COL22A1: variants seen among roughly 807,000 people sequenced by gnomAD.
The protein encoded by COL22A1 is collagen alpha-1(XXII) chain.
In COL22A1, 221 loss-of-function variants were observed where a neutral mutation model predicts 248.9. That is an observed-to-expected ratio of 0.89 (90% CI 0.80 to 0.99). COL22A1 has a LOEUF of 0.99. Among genes scored for constraint, COL22A1 ranks in the 50% least tolerant of loss-of-function variants. COL22A1 has a pLI of 0.00. For missense variants in COL22A1, 2,240 were observed against 2,179.0 expected (o/e 1.03, Z -0.56); for synonymous variants, 891 against 793.4 (o/e 1.12, Z -2.07).
chr8:138,597,064 G>A (rs963386909), intron 61 of COL22A1, 94 bp from the exon 62 acceptor site: 14 of 937,512 alleles, frequency 1.5e-5, no homozygotes, highest in Admixed American at 9.2e-5. Context: ...GTTCGTAGGT[G>A]GTATATACCC....
chr8:138,755,805 G>A lies in COL22A1; in HGVS notation c.1927C>T (p.Pro643Ser), dbSNP rs2131364593. Residue 643 changes from proline to serine, a missense_variant, in exon 19 of 65, where the codon CCT (proline) becomes TCT (serine). Physicochemically the swap from Pro to Ser is moderately conservative, Grantham distance 74. Coordinates refer to ENST00000303045, the MANE Select transcript of COL22A1 (RefSeq NM_152888.3). ...CTCACCACTGAGCCTGGTACACCAG[G>A]TGGCCCCGCAGGTCCCACGTCACCC... ...EKGDVGPAGP[P>S]GVPGSVVQQE... The A allele has an allele frequency of 6.2e-7, 1 of 1,614,126 alleles. No individual in the cohort carries two copies.
intron 44 of COL22A1, among the ~76,000 whole-genome samples, chr8:138,658,069 C>A (rs1351411892): frequency 6.6e-6 from 1 of 152,208 alleles, no homozygotes; most frequent in Non-Finnish European, 1.5e-5. Context: ...GGCTGTGCTT[C>A]CAGAGAACCT....
intron 1 of COL22A1, among the ~76,000 whole-genome samples, chr8:138,908,395 T>C (rs544792420): frequency 6.6e-6 from 1 of 152,370 alleles, no homozygotes; most frequent in South Asian, 2.1e-4. Flanking sequence ...AAAACATGCT[T>C]TTGTTACTTT....
At chr8:138,700,938 TCACGCCACTG>T (rs933201809) in intron 31 of COL22A1, among the ~76,000 whole-genome samples, 1 of 124,812 alleles carries the variant, frequency 8.0e-6, no homozygotes. Flanking sequence ...TGAGCCCAGA[TCACGCCACTG>T]CACTCCATCC....
intron 61 of COL22A1, among the ~76,000 whole-genome samples, chr8:138,598,340 C>T (rs992239095): frequency 2.6e-5 from 4 of 152,064 alleles, no homozygotes; most frequent in Admixed American, 6.5e-5. Flanking sequence ...AAGTTCAGAC[C>T]CCTGGGAGCT....
At chr8:138,602,075 C>T (rs749551709) in intron 60 of COL22A1, 40 bp downstream of exon 60, 13 of 1,612,260 alleles carry the variant, frequency 8.1e-6, no homozygotes, top group South Asian at 2.2e-5. Flanking sequence ...GTGCAAAGGT[C>T]GCGTTCGGCG....
At chr8:138,800,705 T>C (rs1816928114) in intron 11 of COL22A1, among the ~76,000 whole-genome samples, 1 of 152,136 alleles carries the variant, frequency 6.6e-6, no homozygotes, top group South Asian at 2.1e-4. Flanking sequence ...TTCCCAGAGT[T>C]CAGAGCTCCA....
chr8:138,789,536 A>G (rs1815848411), intron 12 of COL22A1, among the ~76,000 whole-genome samples: 1 of 152,262 alleles, frequency 6.6e-6, no homozygotes, highest in Admixed American at 6.5e-5. Flanking sequence ...CACAAATATA[A>G]AGACAAATGT....
At chr8:138,659,283 C>A (rs944584036) in intron 44 of COL22A1, among the ~76,000 whole-genome samples, 1 of 152,126 alleles carries the variant, frequency 6.6e-6, no homozygotes, top group Non-Finnish European at 1.5e-5. Context: ...GACCAGGATC[C>A]CTGTCCAGGT....
Position 138,877,205 on chromosome 8 carries a change from T to A in COL22A1, c.658+545A>T, listed in dbSNP as rs1218283777. Among the ~76,000 whole-genome samples the A allele has an allele frequency of 4.6e-5, 7 of 152,004 alleles. No individual in the cohort carries two copies. The Middle Eastern group carries it at 0.01, about 225-fold the overall frequency. ...GGCACCAGGTCAACAGCACTTGGCC[T>A]CTGGGATAAGCACCTCCTGACTGTG... On this transcript the variant is annotated intron_variant, in intron 3 of 64. Transcript: ENST00000303045.
chr8:138,767,754 A>T (rs1457584245), intron 16 of COL22A1, among the ~76,000 whole-genome samples: 1 of 152,114 alleles, frequency 6.6e-6, no homozygotes, highest in Admixed American at 6.5e-5. Flanking sequence ...CCTCCAGGCC[A>T]AGGCCACTTG....
chr8:138,720,894 T>G (rs2131134334), intron 26 of COL22A1, 102 bp from the exon 27 acceptor site: 1 of 963,944 alleles, frequency 1.0e-6, no homozygotes, highest in East Asian at 2.4e-5. Flanking sequence ...CTACCTGCAC[T>G]CGGGTGGTTT....
At chr8:138,787,867 C>A (rs920657351) in intron 12 of COL22A1, among the ~76,000 whole-genome samples, 2 of 152,172 alleles carry the variant, frequency 1.3e-5, no homozygotes. Context: ...TCCATCTCCT[C>A]TCACCCACTT....
intron 21 of COL22A1, among the ~76,000 whole-genome samples, chr8:138,752,128 G>A (rs1357111688): frequency 6.6e-6 from 1 of 152,160 alleles, no homozygotes; most frequent in Admixed American, 6.5e-5. Context: ...AAGTGGGGAT[G>A]ATACAACCAC....
At chr8:138,754,517 C>T (rs1353358219) in intron 21 of COL22A1, among the ~76,000 whole-genome samples, 1 of 152,126 alleles carries the variant, frequency 6.6e-6, no homozygotes, top group Non-Finnish European at 1.5e-5. Flanking sequence ...CAATAAAATA[C>T]AGTAACTTGA....
chr8:138,826,807 C>A (rs907694282), intron 5 of COL22A1, 26 bp from the exon 6 acceptor site: 2 of 1,612,768 alleles, frequency 1.2e-6, no homozygotes, highest in Non-Finnish European at 1.7e-6. Context: ...GACAAAGACA[C>A]CAGGCTTGGC....
chr8:138,829,694 C>A (rs1157966118), intron 5 of COL22A1, among the ~76,000 whole-genome samples: 1 of 152,110 alleles, frequency 6.6e-6, no homozygotes, highest in Non-Finnish European at 1.5e-5. Context: ...CCTGCCTTGG[C>A]CTCCCAAAGT....
At chr8:138,835,313 C>A (rs750233219) in intron 4 of COL22A1, among the ~76,000 whole-genome samples, 1 of 152,128 alleles carries the variant, frequency 6.6e-6, no homozygotes, top group Non-Finnish European at 1.5e-5. Context: ...CCTAAAGATG[C>A]GAACAGTATT....
At chr8:138,813,048 A>C (rs1818374854) in intron 7 of COL22A1, 29 bp from the exon 8 acceptor site, 2 of 1,582,478 alleles carry the variant, frequency 1.3e-6, no homozygotes, top group Non-Finnish European at 1.7e-6. Flanking sequence ...AGAGAGGATA[A>C]GTTTTAGGGA....
Sources: allele counts gnomAD v4.1 joint callset (sites outside exome capture counted in the v4.1 genomes callset), GRCh38; gene constraint gnomAD v4.1.1; transcripts MANE v1.5; gene names NCBI Gene and HGNC (gene_info 2026-07-23, HGNC 2026-07-21).